The following MINK1 variants were observed in gnomAD, a reference collection of about 807,000 sequenced individuals.
MINK1 encodes misshapen-like kinase 1.
MINK1 carries 46 observed loss-of-function variants against 178.4 expected under a neutral mutation model. The ratio of observed to expected loss-of-function variants is 0.26; its 90% CI spans 0.20 to 0.33. The LOEUF (loss-of-function observed/expected upper bound fraction) is 0.33. Ranked by LOEUF, MINK1 falls within the 10% of genes least tolerant of loss-of-function variation. The probability of loss-of-function intolerance (pLI) is 1.00; values close to 1 mark genes in which losing one functional copy is unlikely to be tolerated. For missense variants in MINK1, 1,366 were observed against 1,814.9 expected (o/e 0.75, Z 4.49); for synonymous variants, 797 against 709.7 (o/e 1.12, Z -1.96).
chr17:4,845,194 C>G (rs554719196), intron 1 of MINK1, among the ~76,000 whole-genome samples: 1 of 152,292 alleles, frequency 6.6e-6, no homozygotes, highest in East Asian at 1.9e-4. Context: ...CCCCTCCCAG[C>G]TCTAATGCAA....
chr17:4,875,643 ACG>A, intron 1 of MINK1: 4 of 348,472 alleles, frequency 1.1e-5, no homozygotes, highest in South Asian at 4.2e-5. Context: ...GTGGTGGCAC[ACG>A]CCTGTAGTCC....
chr17:4,896,675 C>G lies in MINK1; in HGVS notation c.3777C>G (p.Ala1259=), dbSNP rs1173167024. The G allele has an allele frequency of 1.2e-6, 2 of 1,601,834 alleles. No individual in the cohort carries two copies. The highest frequency in any genetic ancestry group is 1.7e-6 in the Non-Finnish European group (2 of 1,172,728). ...LQWGEMPTSV[A]YICSNQIMGW... is the part of the protein sequence containing the mutation. ...CAGCCCCTCACCTGTTCCCCACAGC[C>G]TACATCTGCTCCAACCAGATAATGG... Residue 1259 remains alanine, a splice_region_variant and synonymous_variant, in exon 31 of 32, where the codon GCC becomes GCG. Transcript: ENST00000355280. The surrounding 1 kb of genome is among the most constrained non-coding windows in gnomAD (Gnocchi z 4.6).
At chr17:4,850,911 T>C in intron 1 of MINK1, 2 of 411,506 alleles carry the variant, frequency 4.9e-6, no homozygotes, top group South Asian at 3.4e-5. Context: ...GGCATCTCCT[T>C]TCTGCCCCCT....
intron 1 of MINK1, among the ~76,000 whole-genome samples, chr17:4,874,013 A>G (rs1209862626): frequency 6.6e-6 from 1 of 152,090 alleles, no homozygotes; most frequent in African/African-American, 2.4e-5. Flanking sequence ...GAGGCACACG[A>G]CTAGTGCCAG....
At chr17:4,868,754 TC>T (rs1352094012) in intron 1 of MINK1, 3 of 241,344 alleles carry the variant, frequency 1.2e-5, no homozygotes, top group Non-Finnish European at 2.6e-5. Context: ...CTCTTTTTTT[TC>T]TTTTTTTTGA....
chr17:4,884,363 C>T lies in MINK1; in HGVS notation c.307C>T (p.Leu103=). The change falls in exon 5 of 32, where the codon CTG becomes TTG. Residue 103 remains leucine (L), a splice_region_variant and synonymous_variant. Coordinates refer to ENST00000355280, the MANE Select transcript of MINK1 (RefSeq NM_153827.5). ...SPPGNDDQLW[L]VMEFCGAGSV... ...TTTCGGTACCTTCCTGGGATCCTAG[C>T]TGGTGATGGAGTTCTGTGGTGCTGG... 1 of 1,613,372 alleles carries T rather than the reference C, an allele frequency of 6.2e-7. No homozygotes were observed. Among genetic ancestry groups the T allele is most frequent in the Non-Finnish European group, 8.5e-7 (1 of 1,179,348 alleles).
In MINK1 at chr17:4,895,287, T is replaced by C; in HGVS notation, c.3085+45T>C. ...GCTGAGGAGGCTCTGGCGTGGCTCTTGTGCTCCTGGTTAGGTGAGGGCCTG... is the reference window on the plus strand; with the variant it reads ...GCTGAGGAGGCTCTGGCGTGGCTCTCGTGCTCCTGGTTAGGTGAGGGCCTG... On this transcript the variant is annotated intron_variant, in intron 25 of 31. Coordinates refer to ENST00000355280, the MANE Select transcript of MINK1 (RefSeq NM_153827.5). This position sits in a 1 kb window ranked among gnomAD's most constrained non-coding sequence, Gnocchi z 4.3. 6.2e-7 allele frequency: 1 copy of C among 1,610,840 alleles called. No homozygotes were observed. Among genetic ancestry groups the C allele is most frequent in the Non-Finnish European group, 8.5e-7 (1 of 1,177,632 alleles).
rs1447288612 is a variant in MINK1 at position 4,885,406 on chromosome 17, G to C, written c.509-77G>C. On this transcript the variant is annotated intron_variant, in intron 6 of 31. Transcript: ENST00000355280. This position sits in a 1 kb window ranked among gnomAD's most constrained non-coding sequence, Gnocchi z 5.0. ...ACCACAGCTGGCTCAGGCAAGTCCTGTGTGTGCACGCAGGGATGTGAGGCA... is the reference window on the plus strand; with the variant it reads ...ACCACAGCTGGCTCAGGCAAGTCCTCTGTGTGCACGCAGGGATGTGAGGCA... The C allele has an allele frequency of 5.1e-6, 8 of 1,573,904 alleles. No individual in the cohort carries two copies. Among genetic ancestry groups the C allele is most frequent in the Non-Finnish European group, 6.9e-6 (8 of 1,156,338 alleles).
intron 21 of MINK1, 62 bp downstream of exon 21, chr17:4,893,659 T>G (rs1969113340): frequency 6.7e-7 from 1 of 1,482,432 alleles, no homozygotes; most frequent in Non-Finnish European, 9.0e-7. Context: ...GAAGTGGCAG[T>G]GGGGAAGAGG....
chr17:4,850,008 G>C (rs1017010318), intron 1 of MINK1, among the ~76,000 whole-genome samples: 1 of 152,056 alleles, frequency 6.6e-6, no homozygotes, highest in East Asian at 1.9e-4. Context: ...GTGCAGTGGC[G>C]CAAGCGTGGC....
In MINK1 at chr17:4,896,201, C is replaced by T. The variant is rs374653580; in HGVS notation, c.3474C>T (p.Ala1158=). The T allele has an allele frequency of 1.2e-5, 19 of 1,596,866 alleles. No homozygotes were observed. The highest frequency in any genetic ancestry group is 3.4e-5 in the South Asian group (3 of 88,304). The change falls in exon 29 of 32, where the codon GCC becomes GCT. Residue 1158 remains alanine (A), a synonymous_variant. Coordinates refer to ENST00000355280, the MANE Select transcript of MINK1 (RefSeq NM_153827.5). The surrounding 1 kb of genome is among the most constrained non-coding windows in gnomAD (Gnocchi z 4.6). The part of the protein sequence containing the change: ...YHKFMAFKSF[A]DLPHRPLLVD... ...CCTCCGGTTCTCTGCAGTCCTTTGC[C>T]GACCTCCCCCACCGCCCTCTGCTGG... is the stretch of plus-strand genomic sequence containing the variant.
chr17:4,846,614 A>G (rs1374715674), intron 1 of MINK1, among the ~76,000 whole-genome samples: 2 of 152,214 alleles, frequency 1.3e-5, no homozygotes, highest in South Asian at 2.1e-4. Flanking sequence ...ACCATCGCCA[A>G]TACAAGTAAT....
chr17:4,852,701 G>T (rs577580784), intron 1 of MINK1, among the ~76,000 whole-genome samples: 1 of 127,284 alleles, frequency 7.9e-6, no homozygotes, highest in East Asian at 2.3e-4. Flanking sequence ...TCATATGTGA[G>T]CCTGAGGAAG....
chr17:4,851,043 C>T (rs1373356747), intron 1 of MINK1: 2 of 459,280 alleles, frequency 4.4e-6, no homozygotes, highest in Non-Finnish European at 8.8e-6. Flanking sequence ...TCCCTTCTGT[C>T]TCACCTGCCT....
intron 1 of MINK1, chr17:4,857,314 T>C (rs916192119): frequency 2.2e-5 from 4 of 178,266 alleles, no homozygotes; most frequent in Non-Finnish European, 4.9e-5. Context: ...CTGGAGACCA[T>C]GGTGGCCATA....
At chr17:4,872,081 G>A (rs150470701) in intron 1 of MINK1, among the ~76,000 whole-genome samples, 5 of 152,092 alleles carry the variant, frequency 3.3e-5, no homozygotes, top group East Asian at 1.9e-4. Flanking sequence ...CTGTAATCCC[G>A]CACTTTGGGA....
chr17:4,880,950 T>A, intron 2 of MINK1, 34 bp from the exon 3 acceptor site: 1 of 1,457,062 alleles, frequency 6.9e-7, no homozygotes, highest in Non-Finnish European at 9.0e-7. Context: ...CGCTCCACCC[T>A]CTGAGCATAG....
At chr17:4,890,022 T>G in intron 13 of MINK1, 1 of 508,762 alleles carries the variant, frequency 2.0e-6, no homozygotes, top group Non-Finnish European at 3.5e-6. Flanking sequence ...TCATTCCCTG[T>G]GCCCTCTTCT....
At position 4,894,377 on chromosome 17, in the gene MINK1, G is replaced by A. The variant is rs1391385424; in HGVS notation, c.2808+66G>A. 1.3e-6 allele frequency: 2 copies of A among 1,569,174 alleles called. No homozygotes were observed. The highest frequency in any genetic ancestry group is 1.7e-6 in the Non-Finnish European group (2 of 1,158,066). ...CTGGCGATGGGCAGGAGGTCCCGGT[G>A]CTGGGTAACGGCAGAGGATGGGGCG... On this transcript the variant is annotated intron_variant, in intron 23 of 31. Transcript: ENST00000355280. The surrounding 1 kb of genome is among the most constrained non-coding windows in gnomAD (Gnocchi z 4.1).
Sources: allele counts gnomAD v4.1 joint callset (sites outside exome capture counted in the v4.1 genomes callset), GRCh38; gene constraint gnomAD v4.1.1; non-coding constraint Gnocchi (gnomAD v3.1); transcripts MANE v1.5; gene names NCBI Gene and HGNC (gene_info 2026-07-23, HGNC 2026-07-21).